The following CHLSN variants were observed in gnomAD, a reference collection of about 807,000 sequenced individuals.
CHLSN encodes cholesin.
the CHLSN span, among the ~76,000 whole-genome samples, chr7:996,226 C>T: frequency 2.6e-5 from 4 of 152,178 alleles, no homozygotes; most frequent in African/African-American, 4.8e-5. Flanking sequence ...AACAACAGCC[C>T]GGAGCCTGTG....
chr7:1,114,200 A>G, the CHLSN span, among the ~76,000 whole-genome samples: 1 of 152,144 alleles, frequency 6.6e-6, no homozygotes, highest in Non-Finnish European at 1.5e-5. Flanking sequence ...TGGCCCATAC[A>G]AGGGCCGGGC....
At chr7:1,135,628 G>C in the CHLSN span, among the ~76,000 whole-genome samples, 1 of 151,238 alleles carries the variant, frequency 6.6e-6, no homozygotes, top group African/African-American at 2.4e-5. Context: ...TTAGCTGGGT[G>C]TGCTGGCACC....
At chr7:986,275 C>T in the CHLSN span, 3 of 258,070 alleles carry the variant, frequency 1.2e-5, no homozygotes, top group Non-Finnish European at 2.2e-5. Context: ...CAGTGGCGGC[C>T]CTGACTCTCC....
At chr7:1,100,174 C>T in the CHLSN span, among the ~76,000 whole-genome samples, 2 of 152,232 alleles carry the variant, frequency 1.3e-5, no homozygotes, top group African/African-American at 2.4e-5. Context: ...GGTGCGTTCT[C>T]CTGTCCAGCC....
the CHLSN span, chr7:1,057,771 G>T: frequency 1.4e-5 from 11 of 775,616 alleles, no homozygotes; most frequent in South Asian, 6.7e-5. Flanking sequence ...GCACCTGCTC[G>T]GCCCCCCGAG....
the CHLSN span, among the ~76,000 whole-genome samples, chr7:1,016,205 G>A: frequency 3.5e-5 from 2 of 56,656 alleles, no homozygotes; most frequent in Admixed American, 2.0e-4. Context: ...AGCAGCGCAC[G>A]CCAGCACACA....
the CHLSN span, among the ~76,000 whole-genome samples, chr7:1,019,465 G>A: frequency 6.6e-6 from 1 of 152,256 alleles, no homozygotes; most frequent in East Asian, 1.9e-4. Context: ...GGCACCGTGA[G>A]GAGGCTGGCC....
chr7:1,010,140 C>T, the CHLSN span: 28 of 1,608,758 alleles, frequency 1.7e-5, no homozygotes, highest in Non-Finnish European at 2.2e-5. Flanking sequence ...AGCACAGCTT[C>T]GCCCTGAAAG....
At chr7:1,120,568 C>T in the CHLSN span, among the ~76,000 whole-genome samples, 1 of 152,204 alleles carries the variant, frequency 6.6e-6, no homozygotes, top group African/African-American at 2.4e-5. Context: ...GCTGAGATTA[C>T]AGGCACGAGC....
chr7:1,054,145 C>A, the CHLSN span, among the ~76,000 whole-genome samples: 1 of 152,262 alleles, frequency 6.6e-6, no homozygotes, highest in Admixed American at 6.5e-5. Flanking sequence ...CCCGCCCCAG[C>A]TGCCTTCCCT....
the CHLSN span, among the ~76,000 whole-genome samples, chr7:1,010,746 AC>A: frequency 8.5e-5 from 13 of 152,122 alleles, 1 homozygote; most frequent in Admixed American, 2.0e-4. Flanking sequence ...CGTCTTGCCC[AC>A]CCTCCCCTCA....
the CHLSN span, among the ~76,000 whole-genome samples, chr7:1,037,013 A>C: frequency 6.8e-6 from 1 of 147,202 alleles, no homozygotes; most frequent in Non-Finnish European, 1.5e-5. Flanking sequence ...CTGGAGGCTG[A>C]GGTGAAAGGA....
chr7:1,032,105 C>G, the CHLSN span, among the ~76,000 whole-genome samples: 1 of 152,158 alleles, frequency 6.6e-6, no homozygotes, highest in Non-Finnish European at 1.5e-5. Flanking sequence ...CTGCCCTGCT[C>G]AGGTGGTCAG....
the CHLSN span, among the ~76,000 whole-genome samples, chr7:1,075,617 T>G: frequency 6.6e-6 from 1 of 151,234 alleles, no homozygotes; most frequent in Non-Finnish European, 1.5e-5. Flanking sequence ...ACTTTTTTTT[T>G]TTTTTTTGAG....
the CHLSN span, among the ~76,000 whole-genome samples, chr7:1,050,705 TG>T: frequency 4.6e-4 from 70 of 152,280 alleles, 1 homozygote; most frequent in East Asian, 8.5e-3. Context: ...CACGGGGTCT[TG>T]GAAGAAAAGA....
the CHLSN span, among the ~76,000 whole-genome samples, chr7:1,052,309 TGAG>T: frequency 6.6e-6 from 1 of 152,194 alleles, no homozygotes; most frequent in African/African-American, 2.4e-5. The surrounding 1 kb of genome is among the most constrained non-coding windows in gnomAD (Gnocchi z 4.2). Flanking sequence ...GACACTCGCC[TGAG>T]AAGAGCCCAG....
the CHLSN span, among the ~76,000 whole-genome samples, chr7:1,107,980 G>C: frequency 7.9e-6 from 1 of 126,030 alleles, no homozygotes; most frequent in Non-Finnish European, 1.6e-5. Flanking sequence ...CCGCACTGGA[G>C]ACCCGCACCC....
the CHLSN span, among the ~76,000 whole-genome samples, chr7:1,040,228 T>C: frequency 0.03 from 4,460 of 147,574 alleles, 261 homozygotes; most frequent in African/African-American, 0.11. Flanking sequence ...TGCTGGCACA[T>C]ACCTGTATTC....
chr7:1,058,263 T>A, the CHLSN span: 1 of 771,830 alleles, frequency 1.3e-6, no homozygotes, highest in Non-Finnish European at 2.4e-6. Flanking sequence ...GACGCCACAC[T>A]ATCTGATCCT....
Sources: allele counts gnomAD v4.1 joint callset (sites outside exome capture counted in the v4.1 genomes callset), GRCh38; gene constraint gnomAD v4.1.1; non-coding constraint Gnocchi (gnomAD v3.1); transcripts MANE v1.5; gene names NCBI Gene and HGNC (gene_info 2026-07-23, HGNC 2026-07-21).